NUP160: variants seen among roughly 807,000 people sequenced by gnomAD.
NUP160 encodes the protein nucleoporin 160.
NUP160 carries 94 observed loss-of-function variants against 196.9 expected under a neutral mutation model. That is an observed-to-expected ratio of 0.48 (90% confidence interval 0.40 to 0.57). The LOEUF (loss-of-function observed/expected upper bound fraction) is 0.57, where lower values mean the gene tolerates loss of function less well. Among genes scored for constraint, NUP160 ranks in the 20% least tolerant of loss-of-function variants. The pLI is 0.00. For synonymous variants in NUP160, 605 were observed against 619.7 expected, an observed-to-expected ratio of 0.98 and a Z score of 0.35; for missense variants, 1,638 against 1,748.3, an observed-to-expected ratio of 0.94 and a Z score of 1.13.
At chr11:47,829,723 TGG>T (rs1852037722) in intron 7 of NUP160, among the ~76,000 whole-genome samples, 2 of 152,284 alleles carry the variant, frequency 1.3e-5, no homozygotes, top group East Asian at 3.9e-4. Flanking sequence ...CAACTCAAGA[TGG>T]ATTAAAGACT....
intron 27 of NUP160, among the ~76,000 whole-genome samples, chr11:47,793,447 G>A (rs1258567579): frequency 6.6e-6 from 1 of 151,966 alleles, no homozygotes; most frequent in African/African-American, 2.4e-5. Context: ...TACTGTTGCT[G>A]GGAATGTCAA....
At chr11:47,836,619 A>G (rs1028213685) in intron 6 of NUP160, among the ~76,000 whole-genome samples, 1 of 152,186 alleles carries the variant, frequency 6.6e-6, no homozygotes, top group African/African-American at 2.4e-5. Flanking sequence ...TCAAAAAATT[A>G]AAAAATTTAA....
At chr11:47,842,093 T>A (rs925153727) in intron 2 of NUP160, among the ~76,000 whole-genome samples, 1 of 152,100 alleles carries the variant, frequency 6.6e-6, no homozygotes, top group African/African-American at 2.4e-5. Flanking sequence ...TCCACATATG[T>A]GACCTTGCCT....
chr11:47,786,911 C>G (rs2097664820), intron 31 of NUP160: 1 of 245,556 alleles, frequency 4.1e-6, no homozygotes, highest in Non-Finnish European at 8.2e-6. Context: ...GTCTCAGCCT[C>G]CTGAGTAGCT....
chr11:47,824,330 G>A (rs935881943), intron 7 of NUP160, among the ~76,000 whole-genome samples: 1 of 151,934 alleles, frequency 6.6e-6, no homozygotes, highest in South Asian at 2.1e-4. Context: ...TGTTGGCTGG[G>A]TGCGGTGGCT....
chr11:47,799,906 C>A (rs544845181), intron 23 of NUP160, among the ~76,000 whole-genome samples: 2 of 152,144 alleles, frequency 1.3e-5, no homozygotes, highest in East Asian at 3.9e-4. Context: ...GTATCGCTCA[C>A]GTGTTTGTGG....
Position 47,818,979 on chromosome 11 carries a change from AC to A in NUP160, c.1362+394del, listed in dbSNP as rs534644010. On this transcript the variant is annotated intron_variant, in intron 10 of 35. Coordinates refer to ENST00000378460, the Ensembl canonical transcript of NUP160. ...ATGTCATTGTAATACTAAGGCATCA[AC>A]TGAAAGCTTTTTTATTTATCCTGAG... 1.5e-3 allele frequency among the ~76,000 whole-genome samples: 226 copies of A among 152,216 alleles called. 1 individual carries two copies. Among genetic ancestry groups the A allele is most frequent in the Non-Finnish European group, 1.9e-3 (128 of 67,992 alleles).
At chr11:47,787,957 CG>C (rs1248623098) in intron 31 of NUP160, among the ~76,000 whole-genome samples, 1 of 151,900 alleles carries the variant, frequency 6.6e-6, no homozygotes, top group Non-Finnish European at 1.5e-5. Flanking sequence ...CTCCTGGCCT[CG>C]TGATCCGCCC....
At chr11:47,827,815 T>C (rs1162668874) in intron 7 of NUP160, among the ~76,000 whole-genome samples, 2 of 151,518 alleles carry the variant, frequency 1.3e-5, no homozygotes, top group Non-Finnish European at 2.9e-5. Flanking sequence ...TTAAAAACCC[T>C]ACAAGAAAGA....
intron 34 of NUP160, among the ~76,000 whole-genome samples, chr11:47,781,873 A>C (rs980567912): frequency 6.6e-6 from 1 of 152,194 alleles, no homozygotes; most frequent in African/African-American, 2.4e-5. Flanking sequence ...AGGAGACTAG[A>C]GATTCCTAGA....
chr11:47,837,751 G>A (rs1852204988), intron 4 of NUP160, 128 bp from the exon 5 acceptor site: 1 of 658,820 alleles, frequency 1.5e-6, no homozygotes, highest in East Asian at 2.7e-5. Flanking sequence ...CAAAGGTTTA[G>A]GATGTAACTT....
chr11:47,803,181 A>AAT (rs2097675373), intron 22 of NUP160, among the ~76,000 whole-genome samples: 2 of 85,490 alleles, frequency 2.3e-5, no homozygotes, highest in African/African-American at 8.0e-5. Context: ...ATAATAATAA[A>AAT]AGGAATCTCT....
rs1215002128 is a variant in NUP160 at position 47,779,146 on chromosome 11, C to G, written c.4270G>C (p.Asp1424His). 57 of 1,613,766 alleles carry G rather than the reference C, an allele frequency of 3.5e-5. No individual in the cohort carries two copies. The East Asian group carries it at 1.3e-3, about 36-fold the overall frequency. The stretch of plus-strand genomic sequence containing the variant: ...TATAATAAATCCCGTGTTGCCTTAT[C>G]AACTTTTTGCTGGTAGTCCTCCAAT... Residue 1424 changes from aspartate (D) to histidine (H), a missense_variant, in exon 36 of 36, where the codon GAT becomes CAT. This residue lies in a region of NUP160 where 1,345 missense variants were observed against 1,470.2 expected (regional missense o/e 0.91). Coordinates refer to ENST00000378460, the Ensembl canonical transcript of NUP160.
At chr11:47,807,597 G>T (rs1489689813) in intron 18 of NUP160, among the ~76,000 whole-genome samples, 2 of 152,012 alleles carry the variant, frequency 1.3e-5, no homozygotes, top group African/African-American at 4.8e-5. Context: ...AATCAGGGAG[G>T]TGGAGGTTGC....
At chr11:47,783,221 A>T in intron 33 of NUP160, 23 bp from the exon 34 acceptor site, 1 of 1,610,302 alleles carries the variant, frequency 6.2e-7, no homozygotes, top group Non-Finnish European at 8.5e-7. Context: ...AGTGATTAAG[A>T]ATATGTACCT....
At chr11:47,820,848 C>T (rs575250104) in intron 9 of NUP160, among the ~76,000 whole-genome samples, 2 of 152,304 alleles carry the variant, frequency 1.3e-5, no homozygotes, top group South Asian at 4.1e-4. Context: ...CCGCACCTGG[C>T]CACTAGTTTA....
intron 2 of NUP160, among the ~76,000 whole-genome samples, chr11:47,847,251 G>A (rs1374741054): frequency 6.6e-6 from 1 of 151,994 alleles, no homozygotes; most frequent in Non-Finnish European, 1.5e-5. Context: ...GGCTAACCTC[G>A]TGTCCTTTAG....
At chr11:47,816,976 GTTT>G (rs371077064) in intron 11 of NUP160, among the ~76,000 whole-genome samples, 5 of 136,562 alleles carry the variant, frequency 3.7e-5, no homozygotes, top group African/African-American at 1.1e-4. Context: ...AATCCTTTCA[GTTT>G]TTTTTTTTTT....
At chr11:47,831,183 C>CAAT (rs1381174172) in intron 7 of NUP160, among the ~76,000 whole-genome samples, 17 of 151,834 alleles carry the variant, frequency 1.1e-4, no homozygotes, top group Non-Finnish European at 2.1e-4. Context: ...ACAACAACAA[C>CAAT]AACAAAAAAG....
Sources: allele counts gnomAD v4.1 joint callset (sites outside exome capture counted in the v4.1 genomes callset), GRCh38; gene constraint gnomAD v4.1.1; regional missense constraint gnomAD v4.1.1; transcripts MANE v1.5; gene names NCBI Gene and HGNC (gene_info 2026-07-23, HGNC 2026-07-21).